Variants in STK3 observed in about 807,000 individuals in gnomAD.
STK3 encodes serine/threonine kinase 3, also known as serine/threonine-protein kinase 3.
Under a neutral mutation model 58.0 loss-of-function variants are expected in STK3, and 41 were observed. The ratio of observed to expected loss-of-function variants is 0.71; its 90% CI spans 0.55 to 0.92. STK3 has a LOEUF of 0.92. Ranked by LOEUF, STK3 falls within the 40% of genes least tolerant of loss-of-function variation. The probability of loss-of-function intolerance (pLI) is 0.00; values close to 1 mark genes in which losing one functional copy is unlikely to be tolerated. For missense variants in STK3, 479 were observed against 602.7 expected (o/e 0.79, Z 2.15); for synonymous variants, 170 against 191.0 (o/e 0.89, Z 0.91).
chr8:98,858,631 C>T (rs1293507529), intron 3 of STK3, among the ~76,000 whole-genome samples: 1 of 151,642 alleles, frequency 6.6e-6, no homozygotes, highest in Non-Finnish European at 1.5e-5. Context: ...CCGTGACTCA[C>T]ACCTGTAATC....
intron 6 of STK3, among the ~76,000 whole-genome samples, chr8:98,697,202 T>G (rs558945845): frequency 6.6e-6 from 1 of 152,344 alleles, no homozygotes; most frequent in South Asian, 2.1e-4. Context: ...TTGGTGGTGA[T>G]TTCACCTTTA....
chr8:98,745,263 T>C (rs530574158), intron 4 of STK3, among the ~76,000 whole-genome samples: 61 of 152,354 alleles, frequency 4.0e-4, no homozygotes, highest in Middle Eastern at 6.8e-3. Flanking sequence ...ACATTATTTC[T>C]GTTTGTTAGT....
intron 10 of STK3, among the ~76,000 whole-genome samples, chr8:98,488,117 T>A (rs1822415866): frequency 6.6e-6 from 1 of 152,190 alleles, no homozygotes; most frequent in South Asian, 2.1e-4. Context: ...CTCCCACTTC[T>A]CTTCCTCTCT....
chr8:98,787,188 A>C (rs1389221822), intron 1 of STK3, among the ~76,000 whole-genome samples: 4 of 149,936 alleles, frequency 2.7e-5, no homozygotes, highest in African/African-American at 7.3e-5. Flanking sequence ...AAAAAAAAAA[A>C]AAAAAACAAG....
At chr8:98,823,500 C>G (rs1053106035) in intron 1 of STK3, among the ~76,000 whole-genome samples, 1 of 152,216 alleles carries the variant, frequency 6.6e-6, no homozygotes, top group African/African-American at 2.4e-5. Flanking sequence ...CAATCAGATG[C>G]AGAATTCTGG....
chr8:98,721,891 G>C (rs1563929690), intron 4 of STK3, among the ~76,000 whole-genome samples: 1 of 152,018 alleles, frequency 6.6e-6, no homozygotes, highest in Admixed American at 6.6e-5. Flanking sequence ...TTGATCCACT[G>C]AAAAATTATT....
At chr8:98,470,334 G>A (rs896170634) in intron 10 of STK3, among the ~76,000 whole-genome samples, 3 of 152,166 alleles carry the variant, frequency 2.0e-5, no homozygotes, top group African/African-American at 4.8e-5. Context: ...TAACCACAGT[G>A]CATGATCTTG....
chr8:98,545,084 C>A (rs1257107482), intron 9 of STK3, among the ~76,000 whole-genome samples: 2 of 152,150 alleles, frequency 1.3e-5, no homozygotes, highest in Admixed American at 6.6e-5. Flanking sequence ...CTCTCCTACC[C>A]CATCAGTTTG....
chr8:98,675,657 T>C (rs1279508671), intron 6 of STK3, among the ~76,000 whole-genome samples: 1 of 151,696 alleles, frequency 6.6e-6, no homozygotes, highest in Non-Finnish European at 1.5e-5. Flanking sequence ...GGTCAGGAGA[T>C]CGAGACCATC....
intron 1 of STK3, among the ~76,000 whole-genome samples, chr8:98,890,415 C>T (rs1239054193): frequency 6.6e-6 from 1 of 152,214 alleles, no homozygotes; most frequent in Non-Finnish European, 1.5e-5. Flanking sequence ...ATTACAATAT[C>T]TGGAGGACAC....
intron 9 of STK3, 123 bp downstream of exon 9, chr8:98,547,846 A>G (rs1810835410): frequency 1.2e-6 from 1 of 866,910 alleles, no homozygotes. Context: ...TTACTGTTAC[A>G]TAAATCTAAG....
At position 98,506,715 on chromosome 8, in the gene STK3, G is replaced by GA. The variant is rs150925293; in HGVS notation, c.1317+20026dup. 2.6e-3 allele frequency among the ~76,000 whole-genome samples: 370 copies of GA among 144,480 alleles called. 1 individual carries two copies. The highest frequency in any genetic ancestry group is 8.9e-3 in the African/African-American group (351 of 39,368). 94.8% of individuals were successfully genotyped at this position (144,480 alleles called of 152,430 possible). A position where few individuals can be genotyped will look rare whatever the true frequency, so the allele number is the denominator to read the frequency against. On this transcript the variant is annotated intron_variant, in intron 10 of 10. Coordinates refer to ENST00000419617, the MANE Select transcript of STK3 (RefSeq NM_006281.4). ...GCGACAGAGCAAGACTCCATCAAAA[G>GA]AAAAAAAAAAGAAAGAAAATGGAGA... is the stretch of plus-strand genomic sequence containing the variant.
intron 8 of STK3, among the ~76,000 whole-genome samples, chr8:98,548,482 T>C (rs1384917707): frequency 6.6e-6 from 1 of 152,092 alleles, no homozygotes; most frequent in Admixed American, 6.6e-5. Flanking sequence ...CAACTAAATA[T>C]ATATGAGAGC....
intron 9 of STK3, among the ~76,000 whole-genome samples, chr8:98,542,786 C>T (rs1256065225): frequency 6.6e-6 from 1 of 152,036 alleles, no homozygotes; most frequent in East Asian, 1.9e-4. Flanking sequence ...TTTGAATTTA[C>T]CTAATACACA....
At chr8:98,671,754 A>T (rs995326799) in intron 6 of STK3, among the ~76,000 whole-genome samples, 12 of 152,026 alleles carry the variant, frequency 7.9e-5, no homozygotes, top group Non-Finnish European at 1.8e-4. Flanking sequence ...GCTACTTTTT[A>T]AAAAATCTTT....
intron 1 of STK3, among the ~76,000 whole-genome samples, chr8:98,822,915 C>A (rs1380838133): frequency 6.6e-6 from 1 of 152,208 alleles, no homozygotes; most frequent in African/African-American, 2.4e-5. Flanking sequence ...GTAATCCCAG[C>A]CTCTCAGGAG....
At chr8:98,597,617 A>G (rs752121000) in intron 6 of STK3, 3 of 985,416 alleles carry the variant, frequency 3.0e-6, no homozygotes, top group Non-Finnish European at 3.6e-6. Flanking sequence ...TCAATCTCAC[A>G]TTGCCACAAG....
At chr8:98,517,267 G>C (rs988010722) in intron 10 of STK3, among the ~76,000 whole-genome samples, 1 of 151,920 alleles carries the variant, frequency 6.6e-6, no homozygotes, top group Non-Finnish European at 1.5e-5. Flanking sequence ...GACTACTTTG[G>C]TTTTGAATCA....
chr8:98,737,203 A>G (rs1828669262), intron 4 of STK3, among the ~76,000 whole-genome samples: 1 of 152,196 alleles, frequency 6.6e-6, no homozygotes, highest in African/African-American at 2.4e-5. Context: ...CAGATCATAC[A>G]TGAATTCATT....
Sources: allele counts gnomAD v4.1 joint callset (sites outside exome capture counted in the v4.1 genomes callset), GRCh38; gene constraint gnomAD v4.1.1; transcripts MANE v1.5; gene names NCBI Gene and HGNC (gene_info 2026-07-23, HGNC 2026-07-21).